DDC: variants seen among roughly 807,000 people sequenced by gnomAD.
DDC encodes aromatic-L-amino-acid decarboxylase.
A neutral mutation model predicts 60.0 loss-of-function variants in DDC; 43 were observed. That is an observed-to-expected ratio of 0.72 (90% CI 0.56 to 0.92). The LOEUF (loss-of-function observed/expected upper bound fraction) is 0.92. DDC is among the 40% of genes least tolerant of loss of function. The pLI is 0.00. For missense variants in DDC, 573 were observed against 620.2 expected, an observed-to-expected ratio of 0.92 and a Z score of 0.81; for synonymous variants, 232 against 234.6, an observed-to-expected ratio of 0.99 and a Z score of 0.10.
At chr7:50,545,306 A>G (rs2044766023) in intron 1 of DDC, among the ~76,000 whole-genome samples, 1 of 152,224 alleles carries the variant, frequency 6.6e-6, no homozygotes, top group Non-Finnish European at 1.5e-5. Flanking sequence ...GGGGTTACAA[A>G]TGAATTTTAG....
chr7:50,508,911 C>A (rs895112935), intron 6 of DDC, among the ~76,000 whole-genome samples: 1 of 152,174 alleles, frequency 6.6e-6, no homozygotes, highest in African/African-American at 2.4e-5. Flanking sequence ...TTTCTGATCT[C>A]TGTACGCTGC....
chr7:50,513,019 G>C (rs773362724), intron 6 of DDC, among the ~76,000 whole-genome samples: 1 of 152,200 alleles, frequency 6.6e-6, no homozygotes, highest in Non-Finnish European at 1.5e-5. Flanking sequence ...ACAGAGCAGC[G>C]TGTGGAGGCT....
chr7:50,518,593 A>G (rs996788042), intron 6 of DDC, among the ~76,000 whole-genome samples: 6 of 152,200 alleles, frequency 3.9e-5, no homozygotes, highest in Admixed American at 3.9e-4. Flanking sequence ...CAATACTTAC[A>G]ACCAACTGAT....
At chr7:50,535,426 C>T (rs984272797) in intron 4 of DDC, among the ~76,000 whole-genome samples, 2 of 152,172 alleles carry the variant, frequency 1.3e-5, no homozygotes, top group Non-Finnish European at 2.9e-5. Flanking sequence ...GGATTACAGG[C>T]GTGAGCCACT....
intron 11 of DDC, among the ~76,000 whole-genome samples, chr7:50,473,626 C>T (rs951711990): frequency 1.3e-5 from 2 of 152,318 alleles, no homozygotes; most frequent in Non-Finnish European, 2.9e-5. Flanking sequence ...GCCAGTGGGA[C>T]TGGGCTGCTG....
chr7:50,506,533 G>C (rs2043401528), intron 6 of DDC, among the ~76,000 whole-genome samples: 1 of 152,192 alleles, frequency 6.6e-6, no homozygotes, highest in Non-Finnish European at 1.5e-5. Context: ...ACTTGCAAGT[G>C]AGTCCTTTAA....
rs181678466 is a variant in DDC at position 50,531,490 on chromosome 7, C to T, written c.436-2148G>A. On this transcript the variant is annotated intron_variant, in intron 4 of 14. Transcript: ENST00000444124. ...CTACCCTCTGCTTGAAGCGTTGGAA[C>T]GCAGGTGTTCATTCTCTGAACATTC... 6.7e-3 allele frequency among the ~76,000 whole-genome samples: 1,013 copies of T among 152,178 alleles called. 2 individuals are homozygous for T. Among genetic ancestry groups the T allele is most frequent in the Non-Finnish European group, 9.2e-3 (627 of 68,022 alleles).
At chr7:50,477,571 G>A (rs868798413) in intron 10 of DDC, 1 of 457,246 alleles carries the variant, frequency 2.2e-6, no homozygotes, top group Non-Finnish European at 4.4e-6. Context: ...CACTGCACAG[G>A]AGTGCCTACA....
At chr7:50,521,796 T>G (rs1432158873) in intron 6 of DDC, among the ~76,000 whole-genome samples, 1 of 152,148 alleles carries the variant, frequency 6.6e-6, no homozygotes, top group Non-Finnish European at 1.5e-5. Flanking sequence ...AACATCATAC[T>G]TGATGAATGA....
intron 13 of DDC, among the ~76,000 whole-genome samples, chr7:50,464,593 G>GA (rs2042354608): frequency 6.6e-6 from 1 of 152,192 alleles, no homozygotes; most frequent in South Asian, 2.1e-4. Flanking sequence ...AATTATTTAG[G>GA]AAAAATGTGC....
intron 1 of DDC, among the ~76,000 whole-genome samples, chr7:50,545,932 T>C (rs2044793048): frequency 6.6e-6 from 1 of 152,156 alleles, no homozygotes; most frequent in South Asian, 2.1e-4. Context: ...TGCATAGGGA[T>C]GCATTTTCAA....
At chr7:50,533,840 A>G (rs904119441) in intron 4 of DDC, among the ~76,000 whole-genome samples, 1 of 152,204 alleles carries the variant, frequency 6.6e-6, no homozygotes, top group African/African-American at 2.4e-5. Context: ...GGGAGGGTCA[A>G]AATGAGGGGA....
chr7:50,548,127 C>T (rs780762483), intron 1 of DDC, among the ~76,000 whole-genome samples: 1 of 152,224 alleles, frequency 6.6e-6, no homozygotes, highest in Non-Finnish European at 1.5e-5. Flanking sequence ...TTGTGTCTGA[C>T]TGAACCACTG....
In DDC at chr7:50,537,993, A is replaced by G. The variant is rs375530546; in HGVS notation, c.316-14T>C. The G allele has an allele frequency of 1.2e-6, 2 of 1,614,088 alleles. No homozygotes were observed. The highest frequency in any genetic ancestry group is 2.2e-5 in the East Asian group (1 of 44,868). On this transcript the variant is annotated splice_polypyrimidine_tract_variant and intron_variant, in intron 3 of 14. Coordinates refer to ENST00000444124, the MANE Select transcript of DDC (RefSeq NM_001082971.2). ...TGGGCTTGCCGCCTGTCGTGGGGGAAGGGAAGGGATTAACCGAGGGCCAGG... is the reference window on the plus strand; with the variant it reads ...TGGGCTTGCCGCCTGTCGTGGGGGAGGGGAAGGGATTAACCGAGGGCCAGG...
chr7:50,479,721 C>A, intron 10 of DDC, 66 bp downstream of exon 10: 1 of 1,370,680 alleles, frequency 7.3e-7, no homozygotes, highest in Non-Finnish European at 1.0e-6. Flanking sequence ...CTCCCAGGGA[C>A]CTCCAGGGCA....
chr7:50,492,465 AG>A (rs2043017461), intron 9 of DDC, among the ~76,000 whole-genome samples: 1 of 152,196 alleles, frequency 6.6e-6, no homozygotes. Context: ...GGAGAGAAAG[AG>A]CACATTCTCT....
chr7:50,561,969 CCA>C (rs1240349574), intron 1 of DDC, among the ~76,000 whole-genome samples: 1 of 152,060 alleles, frequency 6.6e-6, no homozygotes, highest in Non-Finnish European at 1.5e-5. Flanking sequence ...TGCATGCATA[CCA>C]CACACACATG....
At chr7:50,541,310 A>G (rs1024984937) in intron 2 of DDC, 1 of 152,312 alleles carries the variant, frequency 6.6e-6, no homozygotes, top group African/African-American at 2.4e-5. Context: ...ATCCCTTCAG[A>G]TAAAATGAAA....
rs749781621 is a variant in DDC at position 50,463,200 on chromosome 7, C to T, written c.*18+13G>A. On this transcript the variant is annotated intron_variant, in intron 14 of 14. Coordinates refer to ENST00000444124, the MANE Select transcript of DDC (RefSeq NM_001082971.2). ...CAAGGAGACAGGCAGAAAATGAGCC[C>T]AGGGCAGCCTACCTGCAGCTGGCTT... is the stretch of plus-strand genomic sequence containing the variant. The T allele has an allele frequency of 6.3e-7, 1 of 1,580,070 alleles. No individual in the cohort carries two copies. Among genetic ancestry groups the T allele is most frequent in the Non-Finnish European group, 8.6e-7 (1 of 1,162,900 alleles).
Sources: gnomAD v4.1 joint callset for allele counts (sites outside exome capture counted in the v4.1 genomes callset) on GRCh38, gnomAD v4.1.1 for gene constraint, MANE v1.5 for transcripts, NCBI Gene and HGNC (gene_info 2026-07-23, HGNC 2026-07-21) for gene names.